Variants in ASH1L observed in about 807,000 individuals in gnomAD.
ASH1L encodes histone-lysine N-methyltransferase ASH1L.
ASH1L carries 23 observed loss-of-function variants against 269.0 expected under a neutral mutation model. The ratio of observed to expected loss-of-function variants is 0.09; its 90% confidence interval spans 0.06 to 0.12. ASH1L has a LOEUF of 0.12. Ranked by LOEUF, ASH1L falls within the 10% of genes least tolerant of loss-of-function variation. ASH1L has a pLI of 1.00. For synonymous variants in ASH1L, 1,187 were observed against 1,253.5 expected, an observed-to-expected ratio of 0.95 and a Z score of 1.12; for missense variants, 2,912 against 3,567.8, an observed-to-expected ratio of 0.82 and a Z score of 4.68.
intron 12 of ASH1L, among the ~76,000 whole-genome samples, chr1:155,367,187 T>C (rs1655509672): frequency 6.6e-6 from 1 of 152,016 alleles, no homozygotes; most frequent in African/African-American, 2.4e-5. Flanking sequence ...AGAGACAGGG[T>C]TTCACCATGT....
chr1:155,474,460 G>A (rs1467756288), intron 3 of ASH1L, among the ~76,000 whole-genome samples: 1 of 152,162 alleles, frequency 6.6e-6, no homozygotes, highest in Non-Finnish European at 1.5e-5. Context: ...CACTTTGGGA[G>A]GGCAAGGTAG....
At chr1:155,457,602 G>A (rs889001310) in intron 4 of ASH1L, among the ~76,000 whole-genome samples, 2 of 152,136 alleles carry the variant, frequency 1.3e-5, no homozygotes, top group African/African-American at 4.8e-5. Context: ...GAATTTCTCT[G>A]TGTCATAGCA....
chr1:155,530,165 A>G (rs1312347835), intron 1 of ASH1L, among the ~76,000 whole-genome samples: 1 of 152,014 alleles, frequency 6.6e-6, no homozygotes, highest in Admixed American at 6.6e-5. Flanking sequence ...CATTTCCTAA[A>G]AAAAACACCT....
At chr1:155,397,258 A>G (rs2148488902) in intron 6 of ASH1L, among the ~76,000 whole-genome samples, 1 of 152,046 alleles carries the variant, frequency 6.6e-6, no homozygotes, top group Non-Finnish European at 1.5e-5. Flanking sequence ...GCACTGTGGG[A>G]GGCCAAGGCG....
At chr1:155,385,403 C>T (rs1293468994) in intron 7 of ASH1L, among the ~76,000 whole-genome samples, 1 of 152,124 alleles carries the variant, frequency 6.6e-6, no homozygotes, top group Non-Finnish European at 1.5e-5. Flanking sequence ...GAGATTGTGC[C>T]ACTGCACTCC....
intron 2 of ASH1L, among the ~76,000 whole-genome samples, chr1:155,494,126 G>A (rs948885655): frequency 4.6e-5 from 7 of 152,140 alleles, no homozygotes; most frequent in East Asian, 1.9e-4. Flanking sequence ...ATGTTAAAAC[G>A]GGCTGTCGGA....
At chr1:155,379,428 C>T (rs184235873) in intron 8 of ASH1L, among the ~76,000 whole-genome samples, 1 of 152,288 alleles carries the variant, frequency 6.6e-6, no homozygotes, top group East Asian at 1.9e-4. Context: ...ACCTCAATTG[C>T]ATGACTATTT....
chr1:155,454,476 A>C (rs575903318), intron 4 of ASH1L, among the ~76,000 whole-genome samples: 3 of 152,262 alleles, frequency 2.0e-5, no homozygotes, highest in Non-Finnish European at 2.9e-5. Context: ...GTGTAGAATA[A>C]TACTATACAG....
At chr1:155,422,155 T>G (rs1229812116) in intron 5 of ASH1L, among the ~76,000 whole-genome samples, 1 of 152,160 alleles carries the variant, frequency 6.6e-6, no homozygotes, top group Non-Finnish European at 1.5e-5. Context: ...TATTCTTTTT[T>G]GAGTCAGAGT....
intron 12 of ASH1L, among the ~76,000 whole-genome samples, chr1:155,363,397 C>T (rs1655137494): frequency 6.6e-6 from 1 of 151,808 alleles, no homozygotes. Context: ...CACCTCGCCA[C>T]CACGACTAGC....
In ASH1L at chr1:155,478,211, C is replaced by T. The variant is rs377593036; in HGVS notation, c.4659G>A (p.Glu1553=). ...LSPSKSLINR[E]EQWVHREPSE... ...AAGGCTCTCGGTGGACCCACTGTTC[C>T]TCTCTGTTTATTAAGCTTTTTGAAG... is the stretch of plus-strand genomic sequence containing the variant. Residue 1553 remains glutamate, a synonymous_variant, in exon 3 of 28, where the codon GAG becomes GAA. Transcript: ENST00000392403. The surrounding 1 kb of genome is among the most constrained non-coding windows in gnomAD (Gnocchi z 4.6). 6 of 1,608,418 alleles carry T rather than the reference C, an allele frequency of 3.7e-6. No homozygotes were observed. Among genetic ancestry groups the T allele is most frequent in the Non-Finnish European group, 5.1e-6 (6 of 1,177,526 alleles).
In ASH1L at chr1:155,349,316, G is replaced by C; in HGVS notation, c.7554+11C>G. 1 of 1,606,984 alleles carries C rather than the reference G, an allele frequency of 6.2e-7. No homozygotes were observed. Among genetic ancestry groups the C allele is most frequent in the Non-Finnish European group, 8.5e-7 (1 of 1,175,754 alleles). On this transcript the variant is annotated intron_variant, in intron 19 of 27. Transcript: ENST00000392403. ...AACTTGTGAAATCTGTTTGAAGTCA[G>C]TGAAAAATACCTCAGCATTCCGAAA...
chr1:155,500,002 T>TAA (rs1667404509), intron 2 of ASH1L, among the ~76,000 whole-genome samples: 1 of 152,204 alleles, frequency 6.6e-6, no homozygotes, highest in Non-Finnish European at 1.5e-5. Context: ...ATTAGGGAAG[T>TAA]TCCTACTACA....
At chr1:155,361,518 CAAAAAAAAAAAA>C (rs1161207568) in intron 12 of ASH1L, among the ~76,000 whole-genome samples, 9 of 36,400 alleles carry the variant, frequency 2.5e-4, no homozygotes, top group African/African-American at 6.5e-4. Context: ...CTCCATCTCA[CAAAAAAAAAAAA>C]AAAAAAAAAA....
intron 6 of ASH1L, among the ~76,000 whole-genome samples, chr1:155,407,561 T>A (rs553907151): frequency 6.6e-6 from 1 of 152,164 alleles, no homozygotes; most frequent in South Asian, 2.1e-4. Flanking sequence ...CTATGAAGTA[T>A]CTATATAATC....
At chr1:155,416,696 T>C (rs1660237542) in intron 5 of ASH1L, among the ~76,000 whole-genome samples, 1 of 149,784 alleles carries the variant, frequency 6.7e-6, no homozygotes, top group Non-Finnish European at 1.5e-5. Context: ...TAACCACATC[T>C]GGATAATTTT....
rs372756103 is a variant in ASH1L, at chr1:155,498,030, G to A, written c.421-15581C>T. On this transcript the variant is annotated intron_variant, in intron 2 of 27. Transcript: ENST00000392403. Reference sequence around the variant, plus strand: ...GCCTCCCAAAGTGCTGGGGTTACAGGCGTGAGCCACCACGCCCGGCCAAAA... The same window carrying A: ...GCCTCCCAAAGTGCTGGGGTTACAGACGTGAGCCACCACGCCCGGCCAAAA... 1.2e-4 allele frequency among the ~76,000 whole-genome samples: 19 copies of A among 152,292 alleles called. No homozygotes were observed. The East Asian group carries it at 3.3e-3, about 26-fold the overall frequency.
chr1:155,375,596 G>C (rs2148429569), intron 10 of ASH1L, among the ~76,000 whole-genome samples: 1 of 152,166 alleles, frequency 6.6e-6, no homozygotes, highest in South Asian at 2.1e-4. Context: ...AGACCAGCGT[G>C]GTCAACATGG....
Position 155,424,220 on chromosome 1 carries a change from G to A in ASH1L, c.5829-8297C>T, listed in dbSNP as rs116428315. The stretch of plus-strand genomic sequence containing the variant: ...TTTATGGAATCGTAGTAAAAACGAT[G>A]AGAAATAAAGAACTTCAAGAGATCA... On this transcript the variant is annotated intron_variant, in intron 5 of 27. Transcript: ENST00000392403. Among the ~76,000 whole-genome samples, 663 of 152,252 alleles carry A rather than the reference G, an allele frequency of 4.4e-3. 2 individuals carry two copies. Among genetic ancestry groups the A allele is most frequent in the Non-Finnish European group, 6.6e-3 (450 of 68,012 alleles).
Sources: gnomAD v4.1 joint callset for allele counts (sites outside exome capture counted in the v4.1 genomes callset) on GRCh38, gnomAD v4.1.1 for gene constraint, Gnocchi (gnomAD v3.1) non-coding constraint, MANE v1.5 for transcripts, NCBI Gene and HGNC (gene_info 2026-07-23, HGNC 2026-07-21) for gene names.